The following ZNF79 variants were observed in gnomAD, a reference collection of about 807,000 sequenced individuals.
ZNF79 encodes ZNFpT7.
In ZNF79, 13 loss-of-function variants were observed where a neutral mutation model predicts 14.9. The ratio of observed to expected loss-of-function variants is 0.87; its 90% CI spans 0.57 to 1.38. The LOEUF is 1.38. ZNF79 is among the 40% of genes most tolerant of loss of function. The pLI, the probability that ZNF79 is intolerant of heterozygous loss-of-function variation, is 0.00. For missense variants in ZNF79, 631 were observed against 630.6 expected (o/e 1.00, Z -0.01); for synonymous variants, 223 against 235.1 (o/e 0.95, Z 0.47).
intron 2 of ZNF79, 109 bp from the exon 3 acceptor site, chr9:127,434,981 G>C (rs1407130521): frequency 7.4e-7 from 1 of 1,352,280 alleles, no homozygotes; most frequent in African/African-American, 1.5e-5. Context: ...CCAGAGACCT[G>C]AATCTTTTCA....
chr9:127,424,404 C>CTGGAGCCAGGACCTGGCGT lies in ZNF79; in HGVS notation c.-380_-362dup, dbSNP rs1833709448. On this transcript the variant is annotated 5_prime_UTR_variant, in exon 1 of 5. Transcript: ENST00000342483. ...GCCAATCAGGCGCGTCCCTCTGGCG[C>CTGGAGCCAGGACCTGGCGT]TGGAGCCAGGACCTGGCGTTGGGCG... The CTGGAGCCAGGACCTGGCGT allele has an allele frequency of 4.9e-6, 1 of 203,794 alleles. No individual in the cohort carries two copies. The highest frequency in any genetic ancestry group is 1.0e-5 in the Non-Finnish European group (1 of 98,766). 12.6% of individuals were successfully genotyped at this position (203,794 alleles called of 1,614,324 possible).
At chr9:127,436,066 T>C (rs1833943316) in intron 4 of ZNF79, 63 bp downstream of exon 4, 3 of 1,281,046 alleles carry the variant, frequency 2.3e-6, no homozygotes, top group African/African-American at 1.5e-5. Context: ...AAATCACGCA[T>C]GAGTGTATTT....
intron 4 of ZNF79, among the ~76,000 whole-genome samples, chr9:127,439,487 A>G (rs990732839): frequency 6.6e-6 from 1 of 152,218 alleles, no homozygotes; most frequent in Non-Finnish European, 1.5e-5. Context: ...GAGGAGTTCA[A>G]CATGGCCTCT....
intron 1 of ZNF79, among the ~76,000 whole-genome samples, chr9:127,427,031 C>G (rs1833769015): frequency 6.6e-6 from 1 of 152,142 alleles, no homozygotes; most frequent in South Asian, 2.1e-4. Flanking sequence ...ATTTGCTTTT[C>G]CCCAATGACT....
chr9:127,424,805 TGAGGAGTGGTA>T lies in ZNF79; in HGVS notation c.16+7_16+17del. On this transcript the variant is annotated splice_donor_5th_base_variant and intron_variant, in intron 1 of 4. Transcript: ENST00000342483. ...GGACTCAAATGCTGGAGGAAGGAGG[TGAGGAGTGGTA>T]GAGGGAGCGATTGTCAAGAGATCGG... 6.2e-7 allele frequency: 1 copy of T among 1,612,850 alleles called. No individual in the cohort carries two copies. Among genetic ancestry groups the T allele is most frequent in the African/African-American group, 1.3e-5 (1 of 74,630 alleles).
Position 127,435,116 on chromosome 9 carries a change from G to T in ZNF79, c.132G>T (p.Thr44=). ...PRGSTFFSSV[T]VAFAQERWRC... ...GATCCACATTCTTCAGCAGTGTGACGGTAGCTTTTGCACAGGAAAGGTGGA... is the reference window on the plus strand; with the variant it reads ...GATCCACATTCTTCAGCAGTGTGACTGTAGCTTTTGCACAGGAAAGGTGGA... Residue 44 remains threonine, a synonymous_variant, in exon 3 of 5, where the codon ACG becomes ACT. Transcript: ENST00000342483. 1 of 1,612,538 alleles carries T rather than the reference G, an allele frequency of 6.2e-7. No homozygotes were observed. Among genetic ancestry groups the T allele is most frequent in the Middle Eastern group, 1.7e-4 (1 of 6,050 alleles).
chr9:127,439,363 TTTC>T (rs1287344109), intron 4 of ZNF79, among the ~76,000 whole-genome samples: 1 of 152,212 alleles, frequency 6.6e-6, no homozygotes, highest in Non-Finnish European at 1.5e-5. Flanking sequence ...TGATAAAATC[TTTC>T]TTATTTCACC....
chr9:127,428,862 A>G lies in ZNF79; in HGVS notation c.47A>G (p.Gln16Arg). 1 of 1,605,880 alleles carries G rather than the reference A, an allele frequency of 6.2e-7. No homozygotes were observed. The highest frequency in any genetic ancestry group is 1.3e-5 in the African/African-American group (1 of 74,572). Reference protein sequence around the residue: ...VLPSPGPALPQEENTGEEGMA... With the variant: ...VLPSPGPALPREENTGEEGMA... ...CCTTCCCCAGGCCCTGCCCTTCCCC[A>G]AGAGGAAAACACAGGAGAGGAAGGA... Residue 16 changes from glutamine to arginine, a missense_variant, in exon 2 of 5, where the codon CAA (glutamine) becomes CGA (arginine). By Grantham distance (43) the Gln-to-Arg change is conservative (BLOSUM62 1). Transcript: ENST00000342483.
At chr9:127,427,912 G>T (rs528627133) in intron 1 of ZNF79, among the ~76,000 whole-genome samples, 6 of 152,212 alleles carry the variant, frequency 3.9e-5, no homozygotes, top group Admixed American at 3.9e-4. Flanking sequence ...TGCTTTTGGT[G>T]TCATATCTAA....
chr9:127,425,023 A>G, intron 1 of ZNF79: 1 of 1,274,476 alleles, frequency 7.8e-7, no homozygotes, highest in Non-Finnish European at 1.0e-6. Flanking sequence ...GGGTCAAAAA[A>G]GTTTGAGGAC....
rs188842928 is a variant in ZNF79 at position 127,424,822 on chromosome 9, A to G, written c.16+19A>G. ...GAAGGAGGTGAGGAGTGGTAGAGGG[A>G]GCGATTGTCAAGAGATCGGCTGCTG... On this transcript the variant is annotated intron_variant, in intron 1 of 4. Transcript: ENST00000342483. The G allele has an allele frequency of 2.0e-5, 32 of 1,613,704 alleles. 1 individual carries two copies. The Admixed American group carries it at 5.0e-4, about 25-fold the overall frequency.
chr9:127,430,518 C>T (rs373751724), intron 2 of ZNF79, among the ~76,000 whole-genome samples: 6 of 152,292 alleles, frequency 3.9e-5, no homozygotes, highest in Admixed American at 2.0e-4. Context: ...TAAGAACATG[C>T]GGTATTTGGT....
In ZNF79 at chr9:127,444,880, T is replaced by C. The variant is rs748938163; in HGVS notation, c.1180T>C (p.Cys394Arg). Residue 394 changes from cysteine to arginine, a missense_variant, in exon 5 of 5, where the codon TGT (cysteine) becomes CGT (arginine). Transcript: ENST00000342483. Reference protein sequence around the residue: ...TGEKPYKCSECGKAFSQSTNL... With the variant: ...TGEKPYKCSERGKAFSQSTNL... ...GGAGAAACCCTACAAGTGCAGCGAGTGTGGGAAGGCCTTCAGCCAGAGTAC... is the reference window on the plus strand; with the variant it reads ...GGAGAAACCCTACAAGTGCAGCGAGCGTGGGAAGGCCTTCAGCCAGAGTAC... 6.2e-7 allele frequency: 1 copy of C among 1,614,000 alleles called. No individual in the cohort carries two copies. Among genetic ancestry groups the C allele is most frequent in the South Asian group, 1.1e-5 (1 of 91,076 alleles).
chr9:127,444,475 A>C lies in ZNF79; in HGVS notation c.775A>C (p.Ser259Arg). 6.2e-7 allele frequency: 1 copy of C among 1,610,314 alleles called. No individual in the cohort carries two copies. The highest frequency in any genetic ancestry group is 8.5e-7 in the Non-Finnish European group (1 of 1,176,686). ...YKCSECGRAF[S>R]QNANLTKHQR... ...GTGCAGTGAATGTGGAAGAGCCTTC[A>C]GCCAGAACGCCAACCTCACCAAACA... The change falls in exon 5 of 5, where the codon AGC becomes CGC. Residue 259 changes from serine (S) to arginine (R), a missense_variant. Coordinates refer to ENST00000342483, the MANE Select transcript of ZNF79 (RefSeq NM_007135.3).
chr9:127,426,208 T>G (rs189690393), intron 1 of ZNF79, among the ~76,000 whole-genome samples: 25 of 152,278 alleles, frequency 1.6e-4, no homozygotes, highest in South Asian at 1.0e-3. Context: ...CCATCACTAT[T>G]TAATTCCAGA....
chr9:127,438,734 G>A lies in ZNF79; in HGVS notation c.328+2731G>A, dbSNP rs144843404. ...CCACAATCACATTAGAGTCCTGCTC[G>A]GGCAGGTGAAAGAAGGGCAGGGGGA... On this transcript the variant is annotated intron_variant, in intron 4 of 4. Transcript: ENST00000342483. 3.4e-4 allele frequency among the ~76,000 whole-genome samples: 52 copies of A among 152,254 alleles called. No individual in the cohort carries two copies. In the East Asian group the frequency reaches 9.1e-3, roughly 27 times the overall value.
chr9:127,430,909 C>G (rs1833848615), intron 2 of ZNF79, among the ~76,000 whole-genome samples: 1 of 152,194 alleles, frequency 6.6e-6, no homozygotes. Flanking sequence ...GCAGTGATAA[C>G]CTTTCCCTTT....
Position 127,436,065 on chromosome 9 carries a change from A to G in ZNF79, c.328+62A>G, listed in dbSNP as rs891034735. On this transcript the variant is annotated intron_variant, in intron 4 of 4. Transcript: ENST00000342483. ...GAGCAAAAGCGCCTTTAAATCACGC[A>G]TGAGTGTATTTGATTATCATAACAA... 64 of 1,300,924 alleles carry G rather than the reference A, an allele frequency of 4.9e-5. 1 individual carries two copies. The South Asian group carries it at 7.0e-4, about 14-fold the overall frequency. 80.6% of individuals were successfully genotyped at this position (1,300,924 alleles called of 1,614,324 possible).
Position 127,424,435 on chromosome 9 carries a change from T to G in ZNF79, c.-353T>G. 1 of 266,248 alleles carries G rather than the reference T, an allele frequency of 3.8e-6. No individual in the cohort carries two copies. The highest frequency in any genetic ancestry group is 7.4e-6 in the Non-Finnish European group (1 of 134,338). The allele number at this position is 266,248 out of a possible 1,614,324, so 16.5% of individuals were successfully genotyped here. On this transcript the variant is annotated 5_prime_UTR_variant, in exon 1 of 5. Coordinates refer to ENST00000342483, the MANE Select transcript of ZNF79 (RefSeq NM_007135.3). The stretch of plus-strand genomic sequence containing the variant: ...CCAGGACCTGGCGTTGGGCGGTACT[T>G]GGACAGCGGTTCTTGAGCTCTCGCG...
Sources: allele counts gnomAD v4.1 joint callset (sites outside exome capture counted in the v4.1 genomes callset), GRCh38; gene constraint gnomAD v4.1.1; transcripts MANE v1.5; gene names NCBI Gene and HGNC (gene_info 2026-07-23, HGNC 2026-07-21).